UBE2E3: variants seen among roughly 807,000 people sequenced by gnomAD.
The protein encoded by UBE2E3 is ubiquitin-conjugating enzyme E2 E3.
A neutral mutation model predicts 23.6 loss-of-function variants in UBE2E3; 5 were observed. The observed-to-expected ratio is 0.21, with a 90% CI of 0.11 to 0.44. UBE2E3 has a LOEUF of 0.44. UBE2E3 is among the 20% of genes least tolerant of loss of function. UBE2E3 has a pLI of 0.99. For missense variants in UBE2E3, 81 were observed against 249.8 expected, an observed-to-expected ratio of 0.32 and a Z score of 4.55; for synonymous variants, 78 against 87.5, an observed-to-expected ratio of 0.89 and a Z score of 0.60.
At chr2:181,061,716 T>C (rs1033332444) in intron 5 of UBE2E3, among the ~76,000 whole-genome samples, 10 of 151,514 alleles carry the variant, frequency 6.6e-5, no homozygotes, top group Admixed American at 6.6e-5. Flanking sequence ...CTTGGGTAGC[T>C]GACTTGATAA....
At chr2:181,009,163 C>T (rs1470720972) in intron 3 of UBE2E3, among the ~76,000 whole-genome samples, 3 of 151,924 alleles carry the variant, frequency 2.0e-5, no homozygotes, top group Non-Finnish European at 4.4e-5. Context: ...CTATCTAGTC[C>T]CAGATTTTCT....
chr2:181,054,067 GTACCACAGTTTATA>G (rs1686920260), intron 3 of UBE2E3, among the ~76,000 whole-genome samples: 1 of 151,764 alleles, frequency 6.6e-6, no homozygotes, highest in South Asian at 2.1e-4. Flanking sequence ...TTGTCTGGAG[GTACCACAGTTTATA>G]TATCCATTCA....
chr2:181,057,315 T>C (rs1687016805), intron 3 of UBE2E3, among the ~76,000 whole-genome samples: 1 of 151,830 alleles, frequency 6.6e-6, no homozygotes, highest in Non-Finnish European at 1.5e-5. Flanking sequence ...CTGACATGTT[T>C]ATGGGGAAAA....
At chr2:181,029,874 G>A (rs1047191544) in intron 3 of UBE2E3, among the ~76,000 whole-genome samples, 1 of 138,972 alleles carries the variant, frequency 7.2e-6, no homozygotes, top group Non-Finnish European at 1.5e-5. Flanking sequence ...GTCTCTCTCT[G>A]TCGCCAGGTG....
chr2:180,990,016 A>G, intron 3 of UBE2E3: 1 of 1,501,846 alleles, frequency 6.7e-7, no homozygotes, highest in Non-Finnish European at 9.0e-7. Flanking sequence ...GAGAAATAGA[A>G]AGTGATTTTT....
intron 3 of UBE2E3, among the ~76,000 whole-genome samples, chr2:181,033,149 C>T (rs774799016): frequency 5.3e-5 from 8 of 152,190 alleles, no homozygotes; most frequent in East Asian, 1.9e-4. Context: ...AAGGTACCAA[C>T]GACTTTCTTC....
chr2:181,060,834 T>C (rs1224517378), intron 5 of UBE2E3, 22 bp downstream of exon 5: 18 of 1,327,130 alleles, frequency 1.4e-5, no homozygotes, highest in Non-Finnish European at 1.9e-5. Context: ...TTTATTAACA[T>C]GTACAATAAG....
intron 3 of UBE2E3, among the ~76,000 whole-genome samples, chr2:180,999,957 A>G (rs1359403328): frequency 1.3e-5 from 2 of 152,222 alleles, no homozygotes; most frequent in Admixed American, 1.3e-4. Context: ...AAGTATTAAA[A>G]CCAGTTGTAA....
intron 3 of UBE2E3, among the ~76,000 whole-genome samples, chr2:180,992,682 G>T (rs1403308215): frequency 6.6e-6 from 1 of 151,684 alleles, no homozygotes; most frequent in African/African-American, 2.4e-5. Flanking sequence ...TCTTTTTGGA[G>T]ACAGAGTCTC....
chr2:181,006,641 T>C (rs1036742332), intron 3 of UBE2E3, among the ~76,000 whole-genome samples: 1 of 152,034 alleles, frequency 6.6e-6, no homozygotes, highest in African/African-American at 2.4e-5. Context: ...ATTAAACTTT[T>C]GATTTTGAGA....
At chr2:181,047,457 T>C (rs536378246) in intron 3 of UBE2E3, among the ~76,000 whole-genome samples, 3 of 152,144 alleles carry the variant, frequency 2.0e-5, no homozygotes, top group Non-Finnish European at 4.4e-5. Flanking sequence ...TTTGGATATC[T>C]CATAAACTTC....
intron 3 of UBE2E3, among the ~76,000 whole-genome samples, chr2:180,987,830 G>T (rs1684528709): frequency 6.6e-6 from 1 of 152,042 alleles, no homozygotes; most frequent in African/African-American, 2.4e-5. Context: ...AGAGTGAGCT[G>T]CTGACTGTCA....
intron 3 of UBE2E3, among the ~76,000 whole-genome samples, chr2:181,045,401 C>G (rs1420016705): frequency 2.0e-5 from 3 of 152,184 alleles, no homozygotes; most frequent in Admixed American, 2.0e-4. Context: ...TAGCTTCTTA[C>G]ATCTTTCTGC....
chr2:181,007,834 C>A (rs1685199953), intron 3 of UBE2E3, among the ~76,000 whole-genome samples: 1 of 152,068 alleles, frequency 6.6e-6, no homozygotes, highest in Non-Finnish European at 1.5e-5. Flanking sequence ...TCAAATATGG[C>A]TAGTGTGAAT....
chr2:181,000,148 T>C (rs1684948738), intron 3 of UBE2E3, among the ~76,000 whole-genome samples: 1 of 152,236 alleles, frequency 6.6e-6, no homozygotes, highest in Non-Finnish European at 1.5e-5. Context: ...TTTATAGTTT[T>C]AAAGTTTTGT....
chr2:181,039,206 T>C (rs1325900351), intron 3 of UBE2E3, among the ~76,000 whole-genome samples: 3 of 149,778 alleles, frequency 2.0e-5, no homozygotes, highest in Non-Finnish European at 4.4e-5. Flanking sequence ...GGATATGCTC[T>C]ATATCATGGT....
At chr2:180,994,954 C>T (rs995596278) in intron 3 of UBE2E3, among the ~76,000 whole-genome samples, 7 of 152,130 alleles carry the variant, frequency 4.6e-5, no homozygotes, top group African/African-American at 9.7e-5. Flanking sequence ...AATATTAAAT[C>T]GTAACTGCAT....
chr2:180,993,460 C>T (rs1213568032), intron 3 of UBE2E3, among the ~76,000 whole-genome samples: 5 of 152,154 alleles, frequency 3.3e-5, no homozygotes, highest in Non-Finnish European at 2.9e-5. Context: ...AAAATAAAGA[C>T]ATCTCTAGTC....
intron 3 of UBE2E3, among the ~76,000 whole-genome samples, chr2:181,024,995 C>A (rs1417239940): frequency 6.6e-6 from 1 of 151,908 alleles, no homozygotes; most frequent in Non-Finnish European, 1.5e-5. Context: ...ACAGGACAGA[C>A]AATTTAAAAA....
Sources: allele counts gnomAD v4.1 joint callset (sites outside exome capture counted in the v4.1 genomes callset), GRCh38; gene constraint gnomAD v4.1.1; transcripts MANE v1.5; gene names NCBI Gene and HGNC (gene_info 2026-07-23, HGNC 2026-07-21).